ADAM22: variants seen among roughly 807,000 people sequenced by gnomAD.
ADAM22 encodes the protein disintegrin and metalloproteinase domain-containing protein 22.
In ADAM22, 65 loss-of-function variants were observed where a neutral mutation model predicts 144.6. The ratio of observed to expected loss-of-function variants is 0.45; its 90% CI spans 0.37 to 0.55. ADAM22 has a LOEUF of 0.55. Among genes scored for constraint, ADAM22 ranks in the 20% least tolerant of loss-of-function variants. ADAM22 has a pLI of 0.00. For missense variants in ADAM22, 974 were observed against 1,184.9 expected (o/e 0.82, Z 2.61); for synonymous variants, 391 against 412.6 (o/e 0.95, Z 0.63).
chr7:88,172,702 C>T (rs1318338312), intron 26 of ADAM22, among the ~76,000 whole-genome samples: 3 of 151,900 alleles, frequency 2.0e-5, no homozygotes, highest in Non-Finnish European at 2.9e-5. Context: ...GTGTAGACAA[C>T]AGAAAATATT....
intron 3 of ADAM22, among the ~76,000 whole-genome samples, chr7:87,979,233 C>T (rs113052616): frequency 6.6e-6 from 1 of 152,106 alleles, no homozygotes; most frequent in African/African-American, 2.4e-5. Context: ...CCTGAGTTGT[C>T]TGCAATGGGG....
chr7:88,131,056 G>A (rs1290971531), intron 10 of ADAM22, among the ~76,000 whole-genome samples: 1 of 152,114 alleles, frequency 6.6e-6, no homozygotes, highest in Non-Finnish European at 1.5e-5. Context: ...GTCAAAAAGG[G>A]ATCTTTTGTT....
intron 3 of ADAM22, among the ~76,000 whole-genome samples, chr7:88,074,263 A>G (rs1229179264): frequency 2.6e-5 from 4 of 152,122 alleles, no homozygotes; most frequent in African/African-American, 9.7e-5. Flanking sequence ...ATGAACATTT[A>G]TTACTCATAT....
At chr7:88,050,240 A>C (rs992591863) in intron 3 of ADAM22, among the ~76,000 whole-genome samples, 74 of 150,472 alleles carry the variant, frequency 4.9e-4, no homozygotes, top group Non-Finnish European at 9.5e-4. Context: ...AAAAAAAAAA[A>C]AAAACCTGGG....
At chr7:87,982,581 G>A (rs1461901460) in intron 3 of ADAM22, among the ~76,000 whole-genome samples, 1 of 142,986 alleles carries the variant, frequency 7.0e-6, no homozygotes, top group Non-Finnish European at 1.5e-5. Context: ...CTAAACAGAG[G>A]TTATTGATTT....
chr7:88,016,174 G>A (rs1796503465), intron 3 of ADAM22, among the ~76,000 whole-genome samples: 1 of 152,126 alleles, frequency 6.6e-6, no homozygotes, highest in South Asian at 2.1e-4. Flanking sequence ...CAATCTCTGA[G>A]TAATCTTCAT....
intron 3 of ADAM22, among the ~76,000 whole-genome samples, chr7:88,049,942 T>C (rs1805764727): frequency 6.6e-6 from 1 of 152,042 alleles, no homozygotes; most frequent in Non-Finnish European, 1.5e-5. Flanking sequence ...TAATGTTACT[T>C]TGTAAAAAAT....
chr7:88,176,076 G>A (rs923395453), intron 26 of ADAM22, among the ~76,000 whole-genome samples: 1 of 151,870 alleles, frequency 6.6e-6, no homozygotes, highest in Non-Finnish European at 1.5e-5. Flanking sequence ...AGGTTCAAGC[G>A]ATTCTCCTGC....
intron 14 of ADAM22, among the ~76,000 whole-genome samples, chr7:88,140,919 G>A (rs1239856124): frequency 2.0e-5 from 3 of 152,110 alleles, no homozygotes; most frequent in African/African-American, 4.8e-5. Context: ...TTCACTAGAC[G>A]AGTGTCTTCC....
intron 4 of ADAM22, among the ~76,000 whole-genome samples, chr7:88,107,056 T>G (rs555224672): frequency 1.3e-4 from 20 of 152,272 alleles, no homozygotes; most frequent in Admixed American, 9.8e-4. Flanking sequence ...ATGAACCTGT[T>G]TATCTGGTAA....
At chr7:88,129,888 T>C (rs951788211) in intron 9 of ADAM22, among the ~76,000 whole-genome samples, 1 of 152,142 alleles carries the variant, frequency 6.6e-6, no homozygotes, top group African/African-American at 2.4e-5. Context: ...CAAAGATATA[T>C]GTGATCCACA....
intron 4 of ADAM22, among the ~76,000 whole-genome samples, chr7:88,089,535 A>T (rs1302522140): frequency 1.3e-5 from 2 of 152,178 alleles, no homozygotes; most frequent in Non-Finnish European, 2.9e-5. Flanking sequence ...CAACTCAGCA[A>T]CAGCATTTCT....
intron 22 of ADAM22, among the ~76,000 whole-genome samples, chr7:88,158,689 C>G (rs908639603): frequency 2.0e-5 from 3 of 151,858 alleles, no homozygotes; most frequent in Non-Finnish European, 2.9e-5. Flanking sequence ...AGGCAGAAAT[C>G]AAGAAGTTCT....
intron 3 of ADAM22, among the ~76,000 whole-genome samples, chr7:87,994,985 G>T (rs901927841): frequency 1.3e-5 from 2 of 152,082 alleles, no homozygotes; most frequent in African/African-American, 2.4e-5. Flanking sequence ...CTGCCACCGC[G>T]CCTGGCTAAT....
chr7:88,074,209 A>G (rs548715462), intron 3 of ADAM22, among the ~76,000 whole-genome samples: 4 of 152,328 alleles, frequency 2.6e-5, no homozygotes, highest in Admixed American at 2.6e-4. Context: ...ATGTATATTT[A>G]GTGTATCCTG....
chr7:88,104,276 T>G (rs925349192), intron 4 of ADAM22, among the ~76,000 whole-genome samples: 1 of 152,118 alleles, frequency 6.6e-6, no homozygotes, highest in Non-Finnish European at 1.5e-5. Flanking sequence ...TATAAAACTA[T>G]TTGTGAAGTG....
At chr7:88,079,550 G>C (rs1015598402) in intron 4 of ADAM22, among the ~76,000 whole-genome samples, 2 of 152,154 alleles carry the variant, frequency 1.3e-5, no homozygotes, top group African/African-American at 4.8e-5. Flanking sequence ...GCACAGACTG[G>C]CAAATTGGAT....
intron 24 of ADAM22, among the ~76,000 whole-genome samples, chr7:88,166,951 T>C (rs17150307): frequency 0.13 from 20,325 of 152,022 alleles, 1,963 homozygotes; most frequent in East Asian, 0.48. Flanking sequence ...GTAAGAAAAT[T>C]CTAGTGACCC....
rs752694897 is a variant in ADAM22 at position 88,149,028 on chromosome 7, C to A, written c.1537C>A (p.Arg513Ser). The A allele has an allele frequency of 6.1e-5, 98 of 1,611,854 alleles. No individual in the cohort carries two copies. The highest frequency in any genetic ancestry group is 7.8e-5 in the Non-Finnish European group (92 of 1,178,740). ...AGAAGCAGTAAATGATTGTGATATT[C>A]GTGAAACGTGCTCAGGAAATTCAAG... ...CREAVNDCDI[R>S]ETCSGNSSQC... Residue 513 changes from arginine (R) to serine (S), a missense_variant, in exon 18 of 32, where the codon CGT (arginine) becomes AGT (serine). Around this residue, in one of 2 missense-constraint regions of ADAM22, gnomAD observed 734 missense variants for 950.6 expected, o/e 0.77. Coordinates refer to ENST00000413139, the MANE Select transcript of ADAM22 (RefSeq NM_001324418.2).
Sources: allele counts gnomAD v4.1 joint callset (sites outside exome capture counted in the v4.1 genomes callset), GRCh38; gene constraint gnomAD v4.1.1; regional missense constraint gnomAD v4.1.1; transcripts MANE v1.5; gene names NCBI Gene and HGNC (gene_info 2026-07-23, HGNC 2026-07-21).